The following ANKS1B variants were observed in gnomAD, a reference collection of about 807,000 sequenced individuals.
The protein encoded by ANKS1B is ankyrin repeat and sterile alpha motif domain-containing protein 1B.
In ANKS1B, 36 loss-of-function variants were observed where a neutral mutation model predicts 148.3. That is an observed-to-expected ratio of 0.24 (90% CI 0.19 to 0.32). The LOEUF (loss-of-function observed/expected upper bound fraction) is 0.32. ANKS1B is among the 10% of genes least tolerant of loss of function. The pLI is 1.00. For missense variants in ANKS1B, 1,157 were observed against 1,542.6 expected (o/e 0.75, Z 4.19); for synonymous variants, 542 against 560.8 (o/e 0.97, Z 0.47).
intron 9 of ANKS1B, among the ~76,000 whole-genome samples, chr12:99,652,130 C>G (rs1409739580): frequency 6.7e-6 from 1 of 150,330 alleles, no homozygotes; most frequent in African/African-American, 2.5e-5. Flanking sequence ...AAAGGATAGC[C>G]CTTAAACAAT....
At chr12:98,852,805 A>T (rs995862981) in intron 17 of ANKS1B, among the ~76,000 whole-genome samples, 2 of 152,084 alleles carry the variant, frequency 1.3e-5, no homozygotes, top group Admixed American at 1.3e-4. Context: ...TTGGAATATG[A>T]TATATTCCAT....
intron 17 of ANKS1B, among the ~76,000 whole-genome samples, chr12:98,844,389 C>T (rs561038155): frequency 2.0e-5 from 3 of 152,256 alleles, no homozygotes; most frequent in Admixed American, 1.3e-4. Context: ...AAGGGCTGAG[C>T]CCTCCCCTGG....
chr12:99,751,164 C>T (rs2061071463), intron 8 of ANKS1B, among the ~76,000 whole-genome samples: 1 of 151,916 alleles, frequency 6.6e-6, no homozygotes, highest in South Asian at 2.1e-4. Flanking sequence ...CTTTCTTTAA[C>T]ATTTAATTAA....
At chr12:98,979,831 C>T (rs2099906560) in intron 17 of ANKS1B, among the ~76,000 whole-genome samples, 1 of 152,036 alleles carries the variant, frequency 6.6e-6, no homozygotes, top group African/African-American at 2.4e-5. Flanking sequence ...ATTTGGTAGC[C>T]ATTATTTCTT....
chr12:99,477,026 A>G (rs1355696298), intron 10 of ANKS1B, among the ~76,000 whole-genome samples: 1 of 152,136 alleles, frequency 6.6e-6, no homozygotes, highest in Non-Finnish European at 1.5e-5. Flanking sequence ...TCTCCACGGA[A>G]CACAAAGTGC....
chr12:99,060,118 G>A (rs1299552283), intron 16 of ANKS1B, among the ~76,000 whole-genome samples: 1 of 152,092 alleles, frequency 6.6e-6, no homozygotes, highest in Non-Finnish European at 1.5e-5. Flanking sequence ...GAATTCCAAA[G>A]TCTGGAAAAA....
intron 12 of ANKS1B, among the ~76,000 whole-genome samples, chr12:99,290,285 GAA>G (rs796594786): frequency 6.7e-5 from 6 of 88,916 alleles, no homozygotes; most frequent in Non-Finnish European, 8.1e-5. Flanking sequence ...AAGTCTCCCA[GAA>G]AAAAAAAAAA....
intron 12 of ANKS1B, among the ~76,000 whole-genome samples, chr12:99,256,257 A>C (rs1786321692): frequency 6.6e-6 from 1 of 151,760 alleles, no homozygotes; most frequent in African/African-American, 2.4e-5. Flanking sequence ...CTCAAAAAAA[A>C]AAAAGAAAAA....
intron 1 of ANKS1B, among the ~76,000 whole-genome samples, chr12:99,896,635 GATCACACCTC>G (rs1355143367): frequency 2.6e-5 from 4 of 151,066 alleles, no homozygotes; most frequent in Non-Finnish European, 4.4e-5. Context: ...ATTCCTGCTG[GATCACACCTC>G]ATCCTTTCCC....
chr12:99,505,967 T>C (rs1359329984), intron 9 of ANKS1B, among the ~76,000 whole-genome samples: 1 of 152,078 alleles, frequency 6.6e-6, no homozygotes, highest in East Asian at 1.9e-4. Context: ...ACACAGTACA[T>C]TGTAGAATAT....
At chr12:99,634,875 A>G (rs1598512096) in intron 9 of ANKS1B, among the ~76,000 whole-genome samples, 1 of 152,206 alleles carries the variant, frequency 6.6e-6, no homozygotes, top group African/African-American at 2.4e-5. Context: ...TCACGTATAT[A>G]AAGTGATTAA....
chr12:98,818,113 C>T (rs573555090), intron 19 of ANKS1B, among the ~76,000 whole-genome samples: 30 of 151,988 alleles, frequency 2.0e-4, no homozygotes, highest in African/African-American at 5.1e-4. Context: ...TCCAAACTCC[C>T]TTCCCTTTCC....
chr12:98,834,782 G>A (rs1324530175), intron 17 of ANKS1B, among the ~76,000 whole-genome samples: 2 of 152,098 alleles, frequency 1.3e-5, no homozygotes, highest in East Asian at 3.9e-4. Context: ...TTGTTTATAC[G>A]ATCCATAGAA....
At chr12:99,239,141 A>T (rs972359568) in intron 14 of ANKS1B, among the ~76,000 whole-genome samples, 18 of 152,208 alleles carry the variant, frequency 1.2e-4, no homozygotes, top group Admixed American at 9.2e-4. Flanking sequence ...TCATATTCTA[A>T]CCCATCTCAA....
intron 25 of ANKS1B, among the ~76,000 whole-genome samples, chr12:98,771,650 G>A (rs1013762099): frequency 1.3e-5 from 2 of 151,870 alleles, no homozygotes; most frequent in African/African-American, 4.8e-5. Context: ...ATTTTTGTTT[G>A]TTTGTTTTTG....
At chr12:99,876,218 A>T (rs2092031035) in intron 1 of ANKS1B, among the ~76,000 whole-genome samples, 1 of 152,156 alleles carries the variant, frequency 6.6e-6, no homozygotes. Flanking sequence ...AATTAAAAAC[A>T]CCTCTCCCTA....
intron 1 of ANKS1B, among the ~76,000 whole-genome samples, chr12:99,886,554 T>C (rs548899173): frequency 1.2e-4 from 19 of 152,152 alleles, no homozygotes; most frequent in Non-Finnish European, 2.6e-4. Flanking sequence ...TATATGTATG[T>C]ATGTGTATAT....
chr12:99,487,879 TTTC>T (rs981988673), intron 10 of ANKS1B, among the ~76,000 whole-genome samples: 2 of 152,186 alleles, frequency 1.3e-5, no homozygotes, highest in Admixed American at 6.5e-5. Flanking sequence ...TAATATTATA[TTTC>T]TTCATTTGTC....
chr12:99,907,235 GT>G (rs1438306819), intron 1 of ANKS1B, among the ~76,000 whole-genome samples: 1 of 152,174 alleles, frequency 6.6e-6, no homozygotes, highest in African/African-American at 2.4e-5. Context: ...CATCAGTTCT[GT>G]GTTTAATTTC....
Sources: allele counts gnomAD v4.1 joint callset (sites outside exome capture counted in the v4.1 genomes callset), GRCh38; gene constraint gnomAD v4.1.1; transcripts MANE v1.5; gene names NCBI Gene and HGNC (gene_info 2026-07-23, HGNC 2026-07-21).